Variants in GRIA4 observed in about 807,000 individuals in gnomAD.
GRIA4 encodes glutamate ionotropic receptor AMPA type subunit 4, also known as glutamate receptor 4.
A neutral mutation model predicts 104.0 loss-of-function variants in GRIA4; 34 were observed. The ratio of observed to expected loss-of-function variants is 0.33; its 90% CI spans 0.25 to 0.44. The LOEUF (loss-of-function observed/expected upper bound fraction) is 0.44. Among genes scored for constraint, GRIA4 ranks in the 20% least tolerant of loss-of-function variants. The pLI, the probability that GRIA4 is intolerant of heterozygous loss-of-function variation, is 1.00. For synonymous variants in GRIA4, 386 were observed against 381.9 expected (o/e 1.01, Z -0.13); for missense variants, 750 against 1,096.5 (o/e 0.68, Z 4.46).
At chr11:105,900,678 TC>T in intron 7 of GRIA4, among the ~76,000 whole-genome samples, 1 of 152,294 alleles carries the variant, frequency 6.6e-6, no homozygotes, top group South Asian at 2.1e-4. Context: ...AACTTCCACC[TC>T]CTGCGTTCAA....
intron 14 of GRIA4, among the ~76,000 whole-genome samples, chr11:105,957,288 T>C (rs1158896624): frequency 1.3e-5 from 2 of 152,210 alleles, no homozygotes; most frequent in South Asian, 2.1e-4. Context: ...AATTTTTGTA[T>C]AAGGTGTAAG....
intron 3 of GRIA4, among the ~76,000 whole-genome samples, chr11:105,623,142 A>G (rs139512816): frequency 0.02 from 2,920 of 148,680 alleles, 109 homozygotes; most frequent in African/African-American, 0.068. Context: ...GATTGATTCA[A>G]TGATGTTGCT....
At position 105,781,888 on chromosome 11, in the gene GRIA4, A is replaced by T. The variant is rs114430364; in HGVS notation, c.487+28668A>T. Among the ~76,000 whole-genome samples, 594 of 152,274 alleles carry T rather than the reference A, an allele frequency of 3.9e-3. 5 individuals are homozygous for T. Among genetic ancestry groups the T allele is most frequent in the African/African-American group, 0.013 (547 of 41,560 alleles). On this transcript the variant is annotated intron_variant, in intron 4 of 16. Transcript: ENST00000282499. Reference sequence around the variant, plus strand: ...TGCAGATTTGTTTATTTTACAATTAACAAAAGGGTATTAGGCTTTTTGAGT... The same window carrying T: ...TGCAGATTTGTTTATTTTACAATTATCAAAAGGGTATTAGGCTTTTTGAGT...
At chr11:105,889,594 A>C (rs998256741) in intron 6 of GRIA4, among the ~76,000 whole-genome samples, 1 of 152,176 alleles carries the variant, frequency 6.6e-6, no homozygotes, top group Non-Finnish European at 1.5e-5. Flanking sequence ...AAATTACATC[A>C]ACATCATACT....
At chr11:105,834,295 T>G (rs554216859) in intron 4 of GRIA4, among the ~76,000 whole-genome samples, 2 of 152,172 alleles carry the variant, frequency 1.3e-5, no homozygotes, top group Non-Finnish European at 2.9e-5. Flanking sequence ...AGTATTAATA[T>G]GGTAAATTAA....
chr11:105,925,848 T>A (rs1947689065), intron 12 of GRIA4, among the ~76,000 whole-genome samples: 1 of 152,086 alleles, frequency 6.6e-6, no homozygotes, highest in Non-Finnish European at 1.5e-5. Context: ...TTCTTCAAGT[T>A]TTAAAACAAA....
chr11:105,694,219 G>A (rs1055033407), intron 3 of GRIA4, among the ~76,000 whole-genome samples: 2 of 151,264 alleles, frequency 1.3e-5, no homozygotes, highest in African/African-American at 2.4e-5. Flanking sequence ...GTGCATTCTC[G>A]GCTCACTGCA....
chr11:105,738,448 G>A (rs1018592626), intron 3 of GRIA4, among the ~76,000 whole-genome samples: 11 of 152,242 alleles, frequency 7.2e-5, no homozygotes, highest in African/African-American at 2.4e-4. Context: ...CTACCACAGA[G>A]TTATGTGGAG....
chr11:105,773,374 G>A (rs1430183062), intron 4 of GRIA4, among the ~76,000 whole-genome samples: 4 of 151,898 alleles, frequency 2.6e-5, no homozygotes, highest in Non-Finnish European at 4.4e-5. Context: ...CAACTAAATT[G>A]AAAAGAATTT....
chr11:105,649,669 C>G (rs1019171920), intron 3 of GRIA4, among the ~76,000 whole-genome samples: 4 of 151,906 alleles, frequency 2.6e-5, no homozygotes, highest in African/African-American at 9.7e-5. Context: ...ATGAGATTTC[C>G]TTTGTGGACA....
chr11:105,700,551 A>G (rs1253105841), intron 3 of GRIA4, among the ~76,000 whole-genome samples: 1 of 152,148 alleles, frequency 6.6e-6, no homozygotes, highest in Non-Finnish European at 1.5e-5. Context: ...CTAATCCTGC[A>G]TTGCATCTTT....
In GRIA4 at chr11:105,852,626, A is replaced by G. The variant is rs564131726; in HGVS notation, c.488-9398A>G. Among the ~76,000 whole-genome samples the G allele has an allele frequency of 4.7e-4, 72 of 152,280 alleles. No individual in the cohort carries two copies. In the South Asian group the frequency reaches 8.9e-3, roughly 19 times the overall value. ...CACCTCAGTGTCATTTCTCCACTAAAGAAATTTAATAGTGAGCAATCAAAT... is the reference window on the plus strand; with the variant it reads ...CACCTCAGTGTCATTTCTCCACTAAGGAAATTTAATAGTGAGCAATCAAAT... On this transcript the variant is annotated intron_variant, in intron 4 of 16. Transcript: ENST00000282499.
intron 3 of GRIA4, among the ~76,000 whole-genome samples, chr11:105,623,828 T>C (rs1476233925): frequency 6.6e-6 from 1 of 152,074 alleles, no homozygotes; most frequent in Admixed American, 6.6e-5. Context: ...TTATCATCCA[T>C]ATTCCCCACT....
intron 4 of GRIA4, among the ~76,000 whole-genome samples, chr11:105,857,350 C>T (rs1200638151): frequency 6.6e-6 from 1 of 152,068 alleles, no homozygotes; most frequent in Non-Finnish European, 1.5e-5. Context: ...TTGTGCCAGA[C>T]CAGAGATATT....
intron 4 of GRIA4, among the ~76,000 whole-genome samples, chr11:105,786,157 AAAAAAAAAG>A (rs1941957236): frequency 6.6e-6 from 1 of 151,546 alleles, no homozygotes; most frequent in Non-Finnish European, 1.5e-5. Context: ...AAAAAAAAAA[AAAAAAAAAG>A]GAAAGAAAAA....
intron 3 of GRIA4, among the ~76,000 whole-genome samples, chr11:105,747,059 G>A (rs970946855): frequency 1.3e-5 from 2 of 152,098 alleles, no homozygotes; most frequent in Non-Finnish European, 2.9e-5. Flanking sequence ...TAAGAATTTT[G>A]ACGTATTTAT....
At chr11:105,853,217 C>T (rs538555938) in intron 4 of GRIA4, among the ~76,000 whole-genome samples, 1 of 152,064 alleles carries the variant, frequency 6.6e-6, no homozygotes, top group African/African-American at 2.4e-5. Context: ...TTTTTATGAA[C>T]CAAAAATATT....
At chr11:105,688,529 C>T (rs1045603477) in intron 3 of GRIA4, among the ~76,000 whole-genome samples, 5 of 152,020 alleles carry the variant, frequency 3.3e-5, no homozygotes, top group African/African-American at 1.2e-4. Flanking sequence ...TGCCACTGCA[C>T]TCCAGCCTGG....
At chr11:105,769,799 C>T (rs1941127925) in intron 4 of GRIA4, among the ~76,000 whole-genome samples, 1 of 151,882 alleles carries the variant, frequency 6.6e-6, no homozygotes, top group South Asian at 2.1e-4. Flanking sequence ...ATAGTAAAAC[C>T]CACATATGTA....
Sources: gnomAD v4.1 joint callset for allele counts (sites outside exome capture counted in the v4.1 genomes callset) on GRCh38, gnomAD v4.1.1 for gene constraint, MANE v1.5 for transcripts, NCBI Gene and HGNC (gene_info 2026-07-23, HGNC 2026-07-21) for gene names.